EDEM1: variants seen among roughly 807,000 people sequenced by gnomAD.
The protein encoded by EDEM1 is ER degradation-enhancing alpha-mannosidase-like protein 1.
Under a neutral mutation model 74.4 loss-of-function variants are expected in EDEM1, and 67 were observed. That is an observed-to-expected ratio of 0.90 (90% confidence interval 0.74 to 1.10). The LOEUF (loss-of-function observed/expected upper bound fraction) is 1.10. Ranked by LOEUF, EDEM1 falls within the 50% of genes least tolerant of loss-of-function variation. The pLI is 0.00. For synonymous variants in EDEM1, 382 were observed against 335.9 expected (o/e 1.14, Z -1.50); for missense variants, 926 against 851.6 (o/e 1.09, Z -1.09).
rs565619579 is a variant in EDEM1 at position 5,200,753 on chromosome 3, T to G, written c.687-1000T>G. Among the ~76,000 whole-genome samples the G allele has an allele frequency of 2.4e-4, 36 of 152,274 alleles. 1 individual carries two copies. In the South Asian group the frequency reaches 7.5e-3, roughly 32 times the overall value. ...TAGCCTGCTGCCTCTTAGTAGGTCATTTTTTCCTCCTCCTCTTCACCTTGC... is the reference window on the plus strand; with the variant it reads ...TAGCCTGCTGCCTCTTAGTAGGTCAGTTTTTCCTCCTCCTCTTCACCTTGC... On this transcript the variant is annotated intron_variant, in intron 3 of 11. Transcript: ENST00000256497.
chr3:5,195,206 C>A lies in EDEM1; in HGVS notation c.510-3C>A. The A allele has an allele frequency of 6.7e-7, 1 of 1,489,296 alleles. No homozygotes were observed. The highest frequency in any genetic ancestry group is 1.3e-5 in the South Asian group (1 of 75,108). 92.3% of individuals were successfully genotyped at this position (1,489,296 alleles called of 1,614,324 possible). On this transcript the variant is annotated splice_region_variant and splice_polypyrimidine_tract_variant and intron_variant, in intron 1 of 11. Transcript: ENST00000256497. ...TTTGTTGAATTTTAATTTTCTTTTT[C>A]AGTTCAAATCTGAACATCAATGATG...
At position 5,202,991 on chromosome 3, in the gene EDEM1, C is replaced by G. The variant is rs1559296948; in HGVS notation, c.884C>G (p.Pro295Arg). The G allele has an allele frequency of 6.2e-7, 1 of 1,613,710 alleles. No homozygotes were observed. Among genetic ancestry groups the G allele is most frequent in the East Asian group, 2.2e-5 (1 of 44,806 alleles). The change falls in exon 5 of 12, where the codon CCT (proline) becomes CGT (arginine). Residue 295 changes from proline to arginine, a missense_variant. Transcript: ENST00000256497. ...PRVNLKTGVP[P>R]DTNNETCTAG... ...GTGAATCTAAAGACAGGAGTTCCTC[C>G]TGACACCAATAATGAGACATGCACA... is the stretch of plus-strand genomic sequence containing the variant.
In EDEM1 at chr3:5,187,829, G is replaced by C; in HGVS notation, c.24G>C (p.Leu8=). 6.3e-7 allele frequency: 1 copy of C among 1,587,232 alleles called. No individual in the cohort carries two copies. Among genetic ancestry groups the C allele is most frequent in the Non-Finnish European group, 8.6e-7 (1 of 1,168,420 alleles). ...CCATGCAATGGCGAGCGCTCGTCCT[G>C]GGGCTGGTGCTCCTCCGGCTTGGCC... is the stretch of plus-strand genomic sequence containing the variant. MQWRALV[L]GLVLLRLGLH... The change falls in exon 1 of 12, where the codon CTG becomes CTC. Residue 8 remains leucine, a synonymous_variant. Transcript: ENST00000256497.
At chr3:5,210,147 G>A in intron 8 of EDEM1, 28 bp from the exon 9 acceptor site, 1 of 1,599,758 alleles carries the variant, frequency 6.3e-7, no homozygotes, top group Non-Finnish European at 8.6e-7. Context: ...AGCCCATGCT[G>A]GATCACATTC....
At chr3:5,214,311 C>T (rs2055204158) in intron 11 of EDEM1, among the ~76,000 whole-genome samples, 1 of 152,214 alleles carries the variant, frequency 6.6e-6, no homozygotes, top group Non-Finnish European at 1.5e-5. Context: ...AGTTCGGCAG[C>T]CTCCCCACAG....
In EDEM1 at chr3:5,213,423, G is replaced by A. The variant is rs200021814; in HGVS notation, c.1785G>A (p.Trp595Ter). 8.7e-6 allele frequency: 14 copies of A among 1,614,202 alleles called. No individual in the cohort carries two copies. The East Asian group carries it at 3.1e-4, about 36-fold the overall frequency. The change falls in exon 11 of 12, where the codon TGG becomes TGA. Residue 595 changes from tryptophan (W) to a stop codon, truncating the protein, a stop_gained. Transcript: ENST00000256497. LOFTEE classifies it high-confidence loss of function. ...ATGAGCATCTTCGGGAATTGCCATG[G>A]AAGGAATTCTTCTCTGAAGAGGGAG... is the stretch of plus-strand genomic sequence containing the variant. ...SVDEHLRELP[W>*]KEFFSEEGGQ... is the part of the protein sequence containing the mutation.
rs117155543 is a variant in EDEM1, at chr3:5,212,146, G to A, written c.1680+930G>A. ...TTAAGTCAGAATCTTCAGAATAAGC[G>A]GGCTCAGAAATCTGTCATTTTGACA... On this transcript the variant is annotated intron_variant, in intron 10 of 11. Coordinates refer to ENST00000256497, the MANE Select transcript of EDEM1 (RefSeq NM_014674.3). 8.5e-4 allele frequency among the ~76,000 whole-genome samples: 130 copies of A among 152,274 alleles called. 5 individuals are homozygous for A. In the East Asian group the frequency reaches 0.023, roughly 27 times the overall value.
chr3:5,188,285 C>A lies in EDEM1; in HGVS notation c.480C>A (p.Cys160Ter). 6.5e-7 allele frequency: 1 copy of A among 1,541,630 alleles called. No homozygotes were observed. The stretch of plus-strand genomic sequence containing the variant: ...AGGACGAGCTCAACCCCATCCACTG[C>A]CGCGGCCGTGGGCCCGACCGCGGGG... ...FPQDELNPIH[C>*]RGRGPDRGDP... Residue 160 changes from cysteine to a stop codon, truncating the protein, a stop_gained, in exon 1 of 12, where the codon TGC becomes TGA. Coordinates refer to ENST00000256497, the MANE Select transcript of EDEM1 (RefSeq NM_014674.3). LOFTEE classifies it high-confidence loss of function.
At chr3:5,194,074 C>T (rs761023869) in intron 1 of EDEM1, among the ~76,000 whole-genome samples, 6 of 152,304 alleles carry the variant, frequency 3.9e-5, no homozygotes, top group Non-Finnish European at 7.4e-5. Flanking sequence ...CATCACAACA[C>T]GAGAGGTGCT....
At chr3:5,188,909 G>A (rs999394090) in intron 1 of EDEM1, among the ~76,000 whole-genome samples, 1 of 152,206 alleles carries the variant, frequency 6.6e-6, no homozygotes, top group Non-Finnish European at 1.5e-5. Flanking sequence ...GGTGGGGAGG[G>A]AAGCTATGTG....
chr3:5,189,515 C>T (rs1406383606), intron 1 of EDEM1: 4 of 152,066 alleles, frequency 2.6e-5, no homozygotes, highest in African/African-American at 9.7e-5. Context: ...TTAACCATAG[C>T]GTTTATACGT....
At chr3:5,203,881 G>A (rs2055063634) in intron 5 of EDEM1, among the ~76,000 whole-genome samples, 1 of 152,064 alleles carries the variant, frequency 6.6e-6, no homozygotes, top group Non-Finnish European at 1.5e-5. Context: ...ACCGGCTTGT[G>A]CCACCATGTC....
chr3:5,199,526 G>A (rs1411599407), intron 2 of EDEM1, 66 bp from the exon 3 acceptor site: 7 of 1,198,630 alleles, frequency 5.8e-6, no homozygotes, highest in Admixed American at 5.8e-5. Context: ...TGACTGGGCT[G>A]CTGTGATGAT....
At chr3:5,204,252 C>T (rs1341964697) in intron 5 of EDEM1, among the ~76,000 whole-genome samples, 2 of 152,064 alleles carry the variant, frequency 1.3e-5, no homozygotes, top group Admixed American at 6.6e-5. Flanking sequence ...ATAATATAAA[C>T]ATATATTTTG....
In EDEM1 at chr3:5,217,923, C is replaced by T. The variant is rs1010267031; in HGVS notation, c.*2005C>T. 1 of 152,182 alleles carries T rather than the reference C, an allele frequency of 6.6e-6. No individual in the cohort carries two copies. Among genetic ancestry groups the T allele is most frequent in the Non-Finnish European group, 1.5e-5 (1 of 68,046 alleles). 9.4% of individuals were successfully genotyped at this position (152,182 alleles called of 1,614,324 possible). Reference sequence around the variant, plus strand: ...AGAGAAGGAGGTGAGTTCTTCCTGCCTGTGATTTCTCTTGGCGCTCCCCTC... The same window carrying T: ...AGAGAAGGAGGTGAGTTCTTCCTGCTTGTGATTTCTCTTGGCGCTCCCCTC... On this transcript the variant is annotated 3_prime_UTR_variant, in exon 12 of 12. Coordinates refer to ENST00000256497, the MANE Select transcript of EDEM1 (RefSeq NM_014674.3).
chr3:5,193,674 C>G (rs543020401), intron 1 of EDEM1, among the ~76,000 whole-genome samples: 1 of 152,128 alleles, frequency 6.6e-6, no homozygotes, highest in Non-Finnish European at 1.5e-5. Context: ...CTCGGCTCAC[C>G]GCAACCTCCG....
intron 11 of EDEM1, among the ~76,000 whole-genome samples, chr3:5,215,083 G>A (rs1049768306): frequency 6.6e-5 from 10 of 152,198 alleles, no homozygotes; most frequent in African/African-American, 1.7e-4. Flanking sequence ...GGCTGGTGGG[G>A]GCAGTCGGGA....
chr3:5,215,735 A>G, intron 11 of EDEM1, 94 bp from the exon 12 acceptor site: 1 of 1,190,162 alleles, frequency 8.4e-7, no homozygotes, highest in African/African-American at 1.5e-5. Context: ...TCAGTAGTTC[A>G]CAGGCTGAGA....
At position 5,190,934 on chromosome 3, in the gene EDEM1, G is replaced by A. The variant is rs573097404; in HGVS notation, c.509+2620G>A. Among the ~76,000 whole-genome samples the A allele has an allele frequency of 1.2e-3, 188 of 151,938 alleles. 1 individual carries two copies. Among genetic ancestry groups the A allele is most frequent in the African/African-American group, 3.3e-3 (138 of 41,428 alleles). Reference sequence around the variant, plus strand: ...CACAGTAGGTGTATATATTTATAGGGTACATGAGATATTTTGGCACAGGCA... The same window carrying A: ...CACAGTAGGTGTATATATTTATAGGATACATGAGATATTTTGGCACAGGCA... On this transcript the variant is annotated intron_variant, in intron 1 of 11. Transcript: ENST00000256497.
Sources: allele counts gnomAD v4.1 joint callset (sites outside exome capture counted in the v4.1 genomes callset), GRCh38; gene constraint gnomAD v4.1.1; transcripts MANE v1.5; gene names NCBI Gene and HGNC (gene_info 2026-07-23, HGNC 2026-07-21).